Variants in INTS8 observed in about 807,000 individuals in gnomAD.
INTS8 encodes protein kaonashi-1.
INTS8 carries 47 observed loss-of-function variants against 138.9 expected under a neutral mutation model. The ratio of observed to expected loss-of-function variants is 0.34; its 90% CI spans 0.27 to 0.43. INTS8 has a LOEUF of 0.43. Ranked by LOEUF, INTS8 falls within the 20% of genes least tolerant of loss-of-function variation. The probability of loss-of-function intolerance (pLI) is 1.00; values close to 1 mark genes in which losing one functional copy is unlikely to be tolerated. For synonymous variants in INTS8, 392 were observed against 400.9 expected, an observed-to-expected ratio of 0.98 and a Z score of 0.27; for missense variants, 996 against 1,173.0, an observed-to-expected ratio of 0.85 and a Z score of 2.20.
In INTS8 at chr8:94,849,254, C is replaced by T. The variant is rs574096365; in HGVS notation, c.1261-208C>T. 2.0e-5 allele frequency among the ~76,000 whole-genome samples: 3 copies of T among 152,248 alleles called. No individual in the cohort carries two copies. In the East Asian group the frequency reaches 5.8e-4, roughly 29 times the overall value. ...TCTTTGCTACATGTATACACCTGCA[C>T]TTATTAAAATGGTCACATTCCATTC... is the stretch of plus-strand genomic sequence containing the variant. On this transcript the variant is annotated intron_variant, in intron 10 of 26. Coordinates refer to ENST00000523731, the MANE Select transcript of INTS8 (RefSeq NM_017864.4).
chr8:94,846,673 A>G (rs986297694), intron 10 of INTS8, among the ~76,000 whole-genome samples: 1 of 152,196 alleles, frequency 6.6e-6, no homozygotes, highest in African/African-American at 2.4e-5. Context: ...AGTCTCAGAA[A>G]GCAAGCTTGC....
At chr8:94,858,542 A>G (rs1391160930) in intron 15 of INTS8, among the ~76,000 whole-genome samples, 1 of 152,190 alleles carries the variant, frequency 6.6e-6, no homozygotes, top group Admixed American at 6.5e-5. Context: ...AGAATGTTTA[A>G]ACCCTAATGT....
chr8:94,880,295 A>AC lies in INTS8; in HGVS notation c.*61_*62insC. Reference sequence around the variant, plus strand: ...ATGGGCTAAAAATAAACAGTATTAAAAGGTTAAGTTTATATAATACATATG... The same window carrying AC: ...ATGGGCTAAAAATAAACAGTATTAAACAGGTTAAGTTTATATAATACATATG... On this transcript the variant is annotated 3_prime_UTR_variant, in exon 27 of 27. Coordinates refer to ENST00000523731, the MANE Select transcript of INTS8 (RefSeq NM_017864.4). 1 of 880,278 alleles carries AC rather than the reference A, an allele frequency of 1.1e-6. No homozygotes were observed. Among genetic ancestry groups the AC allele is most frequent in the Non-Finnish European group, 1.8e-6 (1 of 554,848 alleles). 54.5% of individuals were successfully genotyped at this position (880,278 alleles called of 1,614,324 possible). A position where few individuals can be genotyped will look rare whatever the true frequency, so the allele number is the denominator to read the frequency against.
At chr8:94,845,133 G>T (rs1157101723) in intron 10 of INTS8, among the ~76,000 whole-genome samples, 4 of 152,034 alleles carry the variant, frequency 2.6e-5, no homozygotes, top group Non-Finnish European at 2.9e-5. Context: ...TGATTTCTGT[G>T]TGTTGTTTAA....
chr8:94,880,010 A>G, intron 26 of INTS8, 108 bp from the exon 27 acceptor site: 1 of 723,942 alleles, frequency 1.4e-6, no homozygotes. Context: ...GGTTCAGTTA[A>G]TCATTAAACT....
chr8:94,825,821 G>A (rs1814478756), intron 2 of INTS8, among the ~76,000 whole-genome samples: 1 of 137,228 alleles, frequency 7.3e-6, no homozygotes. Context: ...GAAATAATTG[G>A]GGAGGAGAGG....
intron 7 of INTS8, among the ~76,000 whole-genome samples, chr8:94,837,605 A>G (rs1158944508): frequency 1.3e-5 from 2 of 151,874 alleles, no homozygotes; most frequent in Middle Eastern, 3.4e-3. Context: ...ATTCTTTCCA[A>G]TTGAGTGATG....
At chr8:94,868,930 C>G (rs2131066052) in intron 20 of INTS8, 1 of 151,514 alleles carries the variant, frequency 6.6e-6, no homozygotes, top group Middle Eastern at 3.4e-3. Context: ...CCTTGGCCTC[C>G]TAGAGCTCTG....
At chr8:94,847,247 G>C (rs1404534051) in intron 10 of INTS8, among the ~76,000 whole-genome samples, 1 of 152,034 alleles carries the variant, frequency 6.6e-6, no homozygotes, top group Non-Finnish European at 1.5e-5. Flanking sequence ...TTACCATGTT[G>C]GCTGGGCTGG....
chr8:94,870,416 T>C (rs1398107809), intron 20 of INTS8, among the ~76,000 whole-genome samples: 1 of 152,208 alleles, frequency 6.6e-6, no homozygotes, highest in Non-Finnish European at 1.5e-5. Flanking sequence ...GCTTAACTAT[T>C]ATCTTCATGA....
Position 94,881,671 on chromosome 8 carries a change from T to G in INTS8, c.*1437T>G. Reference sequence around the variant, plus strand: ...GTGGTTTTTCAGTGCTCTTCGGTGGTGTCATAATGCCTCCATTGCACACTG... The same window carrying G: ...GTGGTTTTTCAGTGCTCTTCGGTGGGGTCATAATGCCTCCATTGCACACTG... On this transcript the variant is annotated 3_prime_UTR_variant, in exon 27 of 27. Coordinates refer to ENST00000523731, the MANE Select transcript of INTS8 (RefSeq NM_017864.4). 1 of 1,613,860 alleles carries G rather than the reference T, an allele frequency of 6.2e-7. No homozygotes were observed. Among genetic ancestry groups the G allele is most frequent in the South Asian group, 1.1e-5 (1 of 91,074 alleles).
rs1814613007 is a variant in INTS8, at chr8:94,828,989, A to T, written c.533A>T (p.Gln178Leu). 2 of 1,598,570 alleles carry T rather than the reference A, an allele frequency of 1.3e-6. No individual in the cohort carries two copies. The highest frequency in any genetic ancestry group is 2.2e-5 in the South Asian group (2 of 89,174). The change falls in exon 5 of 27, where the codon CAA (glutamine) becomes CTA (leucine). Residue 178 changes from glutamine (Q) to leucine (L), a missense_variant. Gln to Leu is a moderately radical substitution (Grantham distance 113). Coordinates refer to ENST00000523731, the MANE Select transcript of INTS8 (RefSeq NM_017864.4). The part of the protein sequence containing the change: ...PPQLSVMNQM[Q>L]QEKELTENIL... ...TTCTCTTTTAGTATGAATCAAATGC[A>T]ACAGGAAAAAGAGCTAACAGAAAAC...
intron 7 of INTS8, 120 bp from the exon 8 acceptor site, chr8:94,838,343 C>A: frequency 1.3e-6 from 1 of 787,372 alleles, no homozygotes; most frequent in Non-Finnish European, 2.0e-6. Context: ...AACCGCTGTG[C>A]CCAGCCCGGC....
At chr8:94,837,523 A>G (rs1223184956) in intron 7 of INTS8, among the ~76,000 whole-genome samples, 1 of 152,158 alleles carries the variant, frequency 6.6e-6, no homozygotes, top group Admixed American at 6.5e-5. Context: ...ATGGTATTTC[A>G]GGTATAGTAA....
chr8:94,857,709 C>T (rs750773416), intron 15 of INTS8, among the ~76,000 whole-genome samples: 2 of 152,172 alleles, frequency 1.3e-5, no homozygotes, highest in Non-Finnish European at 2.9e-5. Context: ...ATGGCCTTCC[C>T]CCTGTGTATG....
chr8:94,876,875 C>T (rs1816583222), intron 26 of INTS8, among the ~76,000 whole-genome samples: 1 of 152,204 alleles, frequency 6.6e-6, no homozygotes, highest in African/African-American at 2.4e-5. Flanking sequence ...ACATTCACCA[C>T]CTAAGAAGGG....
chr8:94,836,612 C>T lies in INTS8; in HGVS notation c.842C>T (p.Thr281Ile), dbSNP rs1814935013. ...YENAREKFFRTKELIAEIGSL... is the reference protein window; with the variant it reads ...YENAREKFFRIKELIAEIGSL... Reference sequence around the variant, plus strand: ...AATGCCAGGGAAAAATTTTTTAGAACCAAAGAACTAATTGCAGAGGTAAAT... The same window carrying T: ...AATGCCAGGGAAAAATTTTTTAGAATCAAAGAACTAATTGCAGAGGTAAAT... The change falls in exon 7 of 27, where the codon ACC becomes ATC. Residue 281 changes from threonine (T) to isoleucine (I), a missense_variant. Transcript: ENST00000523731. 1 of 1,607,550 alleles carries T rather than the reference C, an allele frequency of 6.2e-7. No homozygotes were observed. The highest frequency in any genetic ancestry group is 8.5e-7 in the Non-Finnish European group (1 of 1,174,152).
chr8:94,837,428 G>GTT (rs1814965082), intron 7 of INTS8, among the ~76,000 whole-genome samples: 1 of 151,876 alleles, frequency 6.6e-6, no homozygotes, highest in South Asian at 2.1e-4. Context: ...ATGCCCTAGA[G>GTT]GTTTAAATGC....
chr8:94,873,498 G>A (rs1459256337), intron 22 of INTS8, 21 bp downstream of exon 22: 2 of 1,526,456 alleles, frequency 1.3e-6, no homozygotes, highest in Non-Finnish European at 1.8e-6. Context: ...TTCGTGGGCT[G>A]GCTGGTTTCT....
Sources: gnomAD v4.1 joint callset for allele counts (sites outside exome capture counted in the v4.1 genomes callset) on GRCh38, gnomAD v4.1.1 for gene constraint, MANE v1.5 for transcripts, NCBI Gene and HGNC (gene_info 2026-07-23, HGNC 2026-07-21) for gene names.